Variants in PCDHA3 observed in about 807,000 individuals in gnomAD.
PCDHA3 encodes the protein protocadherin alpha 3.
A neutral mutation model predicts 62.2 loss-of-function variants in PCDHA3; 41 were observed. The observed-to-expected ratio is 0.66, with a 90% CI of 0.51 to 0.86. The LOEUF (loss-of-function observed/expected upper bound fraction) is 0.86. Among genes scored for constraint, PCDHA3 ranks in the 40% least tolerant of loss-of-function variants. PCDHA3 has a pLI of 0.00. For synonymous variants in PCDHA3, 640 were observed against 555.4 expected (o/e 1.15, Z -2.14); for missense variants, 1,304 against 1,241.2 (o/e 1.05, Z -0.76).
intron 1 of PCDHA3, chr5:140,864,231 T>G (rs949424981): frequency 2.0e-5 from 3 of 152,222 alleles, no homozygotes; most frequent in Non-Finnish European, 4.4e-5. Flanking sequence ...AAGCAAGTTC[T>G]TTATTCCTAT....
intron 1 of PCDHA3, among the ~76,000 whole-genome samples, chr5:140,935,971 C>A (rs1563151362): frequency 6.7e-6 from 1 of 149,774 alleles, no homozygotes; most frequent in African/African-American, 2.5e-5. Context: ...TGGCTCACTG[C>A]AATCTCTGCC....
chr5:141,006,376 TAA>T (rs2098270900), intron 3 of PCDHA3, among the ~76,000 whole-genome samples: 1 of 151,996 alleles, frequency 6.6e-6, no homozygotes, highest in South Asian at 2.1e-4. Flanking sequence ...CACGCCCGGC[TAA>T]GTTTTTTCTA....
intron 1 of PCDHA3, chr5:140,849,234 T>C: frequency 2.9e-6 from 3 of 1,050,956 alleles, no homozygotes; most frequent in Non-Finnish European, 4.0e-6. Flanking sequence ...CAGAACCCTG[T>C]ATACGGTGAA....
At chr5:140,833,704 G>A (rs181961427) in intron 1 of PCDHA3, among the ~76,000 whole-genome samples, 1 of 152,174 alleles carries the variant, frequency 6.6e-6, no homozygotes, top group East Asian at 1.9e-4. Context: ...GTTTTCCCAA[G>A]AGAAGTGTCT....
chr5:140,897,716 G>A (rs1554187531), intron 1 of PCDHA3, among the ~76,000 whole-genome samples: 1 of 152,144 alleles, frequency 6.6e-6, no homozygotes, highest in African/African-American at 2.4e-5. Context: ...TAATGGGATG[G>A]CTGGGTCAAA....
intron 2 of PCDHA3, among the ~76,000 whole-genome samples, chr5:140,981,118 G>A (rs1205022984): frequency 6.6e-6 from 1 of 152,196 alleles, no homozygotes; most frequent in Admixed American, 6.5e-5. Flanking sequence ...TACTGGATAT[G>A]TTGTTTGAAG....
intron 1 of PCDHA3, chr5:140,809,895 A>G (rs1764562503): frequency 9.8e-6 from 2 of 203,636 alleles, no homozygotes; most frequent in African/African-American, 4.7e-5. Context: ...CATATAAACA[A>G]ATGTGCACAG....
chr5:140,870,729 G>T (rs782392672), intron 1 of PCDHA3: 7 of 1,613,306 alleles, frequency 4.3e-6, no homozygotes, highest in Non-Finnish European at 5.1e-6. Flanking sequence ...CGGGCGTGCC[G>T]CCTCTGAGCA....
chr5:140,822,445 A>G, intron 1 of PCDHA3: 1 of 1,613,728 alleles, frequency 6.2e-7, no homozygotes, highest in Non-Finnish European at 8.5e-7. Flanking sequence ...ACTAACAGGT[A>G]CAGTTCAGTT....
chr5:140,946,886 C>G (rs1304455156), intron 1 of PCDHA3, among the ~76,000 whole-genome samples: 1 of 151,128 alleles, frequency 6.6e-6, no homozygotes, highest in African/African-American at 2.4e-5. Context: ...TACGAAGTTA[C>G]AATTAGATAG....
Position 140,893,828 on chromosome 5 carries a change from C to T in PCDHA3, c.2395-85121C>T, listed in dbSNP as rs144587014. Among the ~76,000 whole-genome samples the T allele has an allele frequency of 1.9e-3, 290 of 152,282 alleles. 1 individual carries two copies. Among genetic ancestry groups the T allele is most frequent in the African/African-American group, 6.6e-3 (275 of 41,556 alleles). ...CTTGAGTCTGGTACCGTAGACTACT[C>T]AGCCATCCTGATGCCCTACCTCTTG... On this transcript the variant is annotated intron_variant, in intron 1 of 3. Coordinates refer to ENST00000522353, the MANE Select transcript of PCDHA3 (RefSeq NM_018906.3).
At chr5:140,862,999 C>T (rs547997534) in intron 1 of PCDHA3, 28 of 550,142 alleles carry the variant, frequency 5.1e-5, no homozygotes, top group African/African-American at 4.9e-4. Context: ...GCACGGTGGA[C>T]TCCAGCTATG....
chr5:140,849,578 G>A (rs2150441176), intron 1 of PCDHA3: 2 of 1,598,680 alleles, frequency 1.3e-6, no homozygotes, highest in East Asian at 2.2e-5. Flanking sequence ...CTGTAAAAGA[G>A]GACGCACAAC....
intron 3 of PCDHA3, among the ~76,000 whole-genome samples, chr5:140,986,901 A>G (rs1289100953): frequency 6.6e-6 from 1 of 152,134 alleles, no homozygotes; most frequent in Non-Finnish European, 1.5e-5. Context: ...GCCCTATCCT[A>G]GACTAATGAA....
chr5:140,865,725 A>T (rs1326307411), intron 1 of PCDHA3: 1 of 152,210 alleles, frequency 6.6e-6, no homozygotes, highest in Non-Finnish European at 1.5e-5. Context: ...AGAAGCTGAG[A>T]TGTGTATCTA....
rs565071573 is a variant in PCDHA3, at chr5:141,009,664, G to C, written c.2580G>C (p.Ala860=). 1.7e-4 allele frequency: 273 copies of C among 1,613,982 alleles called. 2 individuals are homozygous for C. In the South Asian group the frequency reaches 2.8e-3, roughly 17 times the overall value. ...GAGAAGTGTCCCCTCCAGTCGGTGC[G>C]GGTGTCAACAGCAACAGCTGGACCT... ...EAGEVSPPVG[A]GVNSNSWTFK... The change falls in exon 4 of 4, where the codon GCG becomes GCC. Residue 860 remains alanine, a synonymous_variant. Transcript: ENST00000522353.
intron 1 of PCDHA3, chr5:140,867,633 T>C (rs1479252473): frequency 2.6e-5 from 4 of 152,136 alleles, no homozygotes; most frequent in Admixed American, 2.0e-4. Context: ...ATATTTAAGC[T>C]AGAGTGATAT....
At chr5:140,891,502 T>C (rs11748559) in intron 1 of PCDHA3, among the ~76,000 whole-genome samples, 18,999 of 152,020 alleles carry the variant, frequency 0.12, 1,247 homozygotes, top group Middle Eastern at 0.19. Context: ...TCCTCAGCTA[T>C]AATGTTCTCC....
chr5:140,918,585 T>A (rs147777186), intron 1 of PCDHA3, among the ~76,000 whole-genome samples: 51 of 152,368 alleles, frequency 3.3e-4, no homozygotes, highest in African/African-American at 9.9e-4. Context: ...ATTGGCTATA[T>A]GTTCTATAGA....
Sources: gnomAD v4.1 joint callset for allele counts (sites outside exome capture counted in the v4.1 genomes callset) on GRCh38, gnomAD v4.1.1 for gene constraint, MANE v1.5 for transcripts, NCBI Gene and HGNC (gene_info 2026-07-23, HGNC 2026-07-21) for gene names.